MIPOL1: variants seen among roughly 807,000 people sequenced by gnomAD.
The protein encoded by MIPOL1 is mirror-image polydactyly gene 1 protein.
Under a neutral mutation model 60.9 loss-of-function variants are expected in MIPOL1, and 57 were observed. The ratio of observed to expected loss-of-function variants is 0.94; its 90% CI spans 0.76 to 1.17. The LOEUF (loss-of-function observed/expected upper bound fraction) is 1.17. Among genes scored for constraint, MIPOL1 ranks in the 50% most tolerant of loss-of-function variants. MIPOL1 has a pLI of 0.00. For missense variants in MIPOL1, 551 were observed against 511.6 expected, an observed-to-expected ratio of 1.08 and a Z score of -0.74; for synonymous variants, 179 against 168.8, an observed-to-expected ratio of 1.06 and a Z score of -0.47.
intron 11 of MIPOL1, among the ~76,000 whole-genome samples, chr14:37,497,859 TAGC>T (rs766603833): frequency 6.6e-6 from 1 of 152,184 alleles, no homozygotes; most frequent in African/African-American, 2.4e-5. Context: ...GGAAGACTAT[TAGC>T]AGCATCTAAA....
chr14:37,350,205 G>A (rs2091254726), intron 9 of MIPOL1, among the ~76,000 whole-genome samples: 1 of 152,058 alleles, frequency 6.6e-6, no homozygotes, highest in Admixed American at 6.6e-5. Flanking sequence ...CGTAATGGCT[G>A]GGACTACAGG....
intron 9 of MIPOL1, among the ~76,000 whole-genome samples, chr14:37,332,697 G>GACAACC (rs2089808413): frequency 1.4e-4 from 1 of 7,316 alleles, no homozygotes; most frequent in East Asian, 0.062. Flanking sequence ...CGAAATGGCA[G>GACAACC]GCAATTTTAG....
chr14:37,531,110 G>A (rs112391294), intron 12 of MIPOL1, among the ~76,000 whole-genome samples: 364 of 152,160 alleles, frequency 2.4e-3, no homozygotes, highest in African/African-American at 7.8e-3. Flanking sequence ...GAACCACCGC[G>A]CCCAGCCAGA....
intron 11 of MIPOL1, among the ~76,000 whole-genome samples, chr14:37,436,403 T>G (rs1191967939): frequency 1.3e-5 from 2 of 152,218 alleles, no homozygotes; most frequent in Non-Finnish European, 2.9e-5. Flanking sequence ...TGTTTTCTTT[T>G]TCTTTCCATG....
intron 1 of MIPOL1, among the ~76,000 whole-genome samples, chr14:37,206,951 A>G (rs1966188467): frequency 1.3e-5 from 2 of 152,236 alleles, no homozygotes; most frequent in South Asian, 2.1e-4. Flanking sequence ...CAGGTGGAAA[A>G]GACTTGCCTT....
chr14:37,301,798 A>C lies in MIPOL1; in HGVS notation c.624-6258A>C, dbSNP rs1477120712. Among the ~76,000 whole-genome samples the C allele has an allele frequency of 1.2e-4, 2 of 16,124 alleles. 1 individual carries two copies. The highest frequency in any genetic ancestry group is 1.0e-3 in the Non-Finnish European group (2 of 2,000). 10.6% of individuals were successfully genotyped at this position (16,124 alleles called of 152,430 possible). On this transcript the variant is annotated intron_variant, in intron 7 of 12. Coordinates refer to ENST00000684589, the MANE Select transcript of MIPOL1 (RefSeq NM_001388067.1). The stretch of plus-strand genomic sequence containing the variant: ...CTTCCTCCCTCCCCAACTCTGTGGC[A>C]ACTACTGACCTGCTTTCTTCCCTTA...
chr14:37,376,735 A>G (rs570309459), intron 10 of MIPOL1, among the ~76,000 whole-genome samples: 1 of 152,280 alleles, frequency 6.6e-6, no homozygotes, highest in Admixed American at 6.6e-5. Flanking sequence ...TAAAGTTTCT[A>G]TAAACACCCA....
intron 12 of MIPOL1, among the ~76,000 whole-genome samples, chr14:37,544,431 C>T (rs1401407414): frequency 6.6e-6 from 1 of 152,196 alleles, no homozygotes; most frequent in Non-Finnish European, 1.5e-5. Flanking sequence ...AATCCTAGCT[C>T]TAGCCCTTTT....
rs189764246 is a variant in MIPOL1, at chr14:37,381,139, T to A, written c.936+11515T>A. Among the ~76,000 whole-genome samples, 14 of 152,128 alleles carry A rather than the reference T, an allele frequency of 9.2e-5. No individual in the cohort carries two copies. The East Asian group carries it at 2.3e-3, about 25-fold the overall frequency. On this transcript the variant is annotated intron_variant, in intron 10 of 12. Coordinates refer to ENST00000684589, the MANE Select transcript of MIPOL1 (RefSeq NM_001388067.1). The stretch of plus-strand genomic sequence containing the variant: ...AATGTTCACTGACCTGGAAAAAAAT[T>A]GAATATGTAAGACTCTCAGTGTTCC...
intron 11 of MIPOL1, among the ~76,000 whole-genome samples, chr14:37,431,081 G>A (rs1229678139): frequency 6.6e-6 from 1 of 152,170 alleles, no homozygotes; most frequent in Non-Finnish European, 1.5e-5. Flanking sequence ...GTATTAGAAT[G>A]GGCTTGCTAA....
At chr14:37,523,743 G>A (rs377233431) in intron 12 of MIPOL1, among the ~76,000 whole-genome samples, 9 of 152,080 alleles carry the variant, frequency 5.9e-5, no homozygotes, top group Admixed American at 1.3e-4. Context: ...CCTTGACCTC[G>A]TAAATCTTTC....
intron 10 of MIPOL1, among the ~76,000 whole-genome samples, chr14:37,372,871 A>G (rs1213382732): frequency 6.6e-6 from 1 of 151,514 alleles, no homozygotes; most frequent in African/African-American, 2.4e-5. Context: ...ACTGAATTAT[A>G]CTGATACTAG....
intron 3 of MIPOL1, among the ~76,000 whole-genome samples, chr14:37,264,571 C>T (rs1370601990): frequency 2.6e-5 from 4 of 151,632 alleles, no homozygotes; most frequent in Admixed American, 6.6e-5. Context: ...AAGGCTGCAG[C>T]GAGCCATGAT....
At chr14:37,322,902 A>G (rs771525902) in intron 9 of MIPOL1, among the ~76,000 whole-genome samples, 1 of 152,024 alleles carries the variant, frequency 6.6e-6, no homozygotes, top group East Asian at 1.9e-4. Flanking sequence ...ATAGATTGCA[A>G]ATTTTTCTCT....
intron 9 of MIPOL1, among the ~76,000 whole-genome samples, chr14:37,330,832 GATC>G (rs2153453929): frequency 6.6e-6 from 1 of 152,072 alleles, no homozygotes; most frequent in East Asian, 1.9e-4. Flanking sequence ...CAGGAGGAGA[GATC>G]AGAGAGGGAT....
At chr14:37,394,057 C>CATATGTATATATATATATATATATATAT (rs2093316327) in intron 10 of MIPOL1, among the ~76,000 whole-genome samples, 1 of 73,310 alleles carries the variant, frequency 1.4e-5, no homozygotes, top group Admixed American at 1.8e-4. Flanking sequence ...TTAGTAGTGG[C>CATATGTATATATATATATATATATATAT]ATATATATAT....
At chr14:37,466,511 A>G (rs2094599927) in intron 11 of MIPOL1, among the ~76,000 whole-genome samples, 1 of 152,218 alleles carries the variant, frequency 6.6e-6, no homozygotes, top group African/African-American at 2.4e-5. Context: ...ATATTTACCA[A>G]GACTTGGCTT....
At chr14:37,449,537 G>A (rs1455787752) in intron 11 of MIPOL1, among the ~76,000 whole-genome samples, 3 of 152,120 alleles carry the variant, frequency 2.0e-5, no homozygotes, top group Non-Finnish European at 2.9e-5. Flanking sequence ...TTGATGTTAA[G>A]ATTTGAAAAA....
chr14:37,211,077 T>G (rs752324408), intron 1 of MIPOL1, among the ~76,000 whole-genome samples: 3 of 152,170 alleles, frequency 2.0e-5, no homozygotes, highest in Non-Finnish European at 2.9e-5. Flanking sequence ...TCCTTCACTG[T>G]CATAATCTTT....
Sources: gnomAD v4.1 joint callset for allele counts (sites outside exome capture counted in the v4.1 genomes callset) on GRCh38, gnomAD v4.1.1 for gene constraint, MANE v1.5 for transcripts, NCBI Gene and HGNC (gene_info 2026-07-23, HGNC 2026-07-21) for gene names.